Variants in ATP10B observed in about 807,000 individuals in gnomAD.
ATP10B encodes the protein ATPase phospholipid transporting 10B (putative).
A neutral mutation model predicts 141.2 loss-of-function variants in ATP10B; 122 were observed. The ratio of observed to expected loss-of-function variants is 0.86; its 90% CI spans 0.75 to 1.00. The LOEUF (loss-of-function observed/expected upper bound fraction) is 1.00, where lower values mean the gene tolerates loss of function less well. ATP10B is among the 50% of genes least tolerant of loss of function. The pLI, the probability that ATP10B is intolerant of heterozygous loss-of-function variation, is 0.00. For missense variants in ATP10B, 1,876 were observed against 1,825.3 expected, an observed-to-expected ratio of 1.03 and a Z score of -0.51; for synonymous variants, 685 against 692.0, an observed-to-expected ratio of 0.99 and a Z score of 0.16.
chr5:160,823,987 A>C lies in ATP10B; in HGVS notation c.-576+27954T>G, dbSNP rs578152632. On this transcript the variant is annotated intron_variant, in intron 1 of 25. Coordinates refer to ENST00000327245, the MANE Select transcript of ATP10B (RefSeq NM_025153.3). Reference sequence around the variant, plus strand: ...TACAAATAAGTACGCAGAATAAATCAGTCATATTTCCAGTATTAGACATAA... The same window carrying C: ...TACAAATAAGTACGCAGAATAAATCCGTCATATTTCCAGTATTAGACATAA... Among the ~76,000 whole-genome samples, 14 of 152,290 alleles carry C rather than the reference A, an allele frequency of 9.2e-5. No homozygotes were observed. In the South Asian group the frequency reaches 2.5e-3, roughly 27 times the overall value.
chr5:160,644,305 T>C, intron 8 of ATP10B, 61 bp from the exon 9 acceptor site: 1 of 1,156,604 alleles, frequency 8.6e-7, no homozygotes, highest in Non-Finnish European at 1.3e-6. Context: ...TGTCACTGGG[T>C]ACTGTCACAG....
rs377430011 is a variant in ATP10B, at chr5:160,811,233, G to A, written c.-575-25430C>T. On this transcript the variant is annotated intron_variant, in intron 1 of 25. Transcript: ENST00000327245. ...ACTCTGAAACTTGTTGGCTTCAGGC[G>A]AGACTCAGCATATTCTCATTGGGAG... Among the ~76,000 whole-genome samples, 7 of 152,280 alleles carry A rather than the reference G, an allele frequency of 4.6e-5. No homozygotes were observed. In the South Asian group the frequency reaches 8.3e-4, roughly 18 times the overall value.
intron 1 of ATP10B, among the ~76,000 whole-genome samples, chr5:160,835,954 G>A (rs1775400682): frequency 6.6e-6 from 1 of 152,108 alleles, no homozygotes; most frequent in South Asian, 2.1e-4. Flanking sequence ...ATCCTTGGGA[G>A]TGGAATGAAA....
chr5:160,683,044 A>ACCCC (rs1581348739), intron 6 of ATP10B, among the ~76,000 whole-genome samples: 33 of 136,232 alleles, frequency 2.4e-4, no homozygotes, highest in African/African-American at 6.7e-4. Context: ...GTCCCCCAAA[A>ACCCC]AAAAAAAAAA....
rs114826954 is a variant in ATP10B at position 160,719,090 on chromosome 5, T to C, written c.-330-2056A>G. Among the ~76,000 whole-genome samples, 878 of 152,278 alleles carry C rather than the reference T, an allele frequency of 5.8e-3. 7 individuals carry two copies. Among genetic ancestry groups the C allele is most frequent in the African/African-American group, 0.02 (842 of 41,552 alleles). ...CTGTATTAGGTTGGTGCAAAAGTAA[T>C]TGGGGTTTTTACCATTAAAAGTAAT... On this transcript the variant is annotated intron_variant, in intron 2 of 25. Coordinates refer to ENST00000327245, the MANE Select transcript of ATP10B (RefSeq NM_025153.3).
intron 7 of ATP10B, among the ~76,000 whole-genome samples, chr5:160,666,642 T>C (rs1016183748): frequency 1.3e-5 from 2 of 152,182 alleles, no homozygotes; most frequent in Admixed American, 1.3e-4. Flanking sequence ...GTTCAATACG[T>C]TAGGGAAATC....
chr5:160,670,923 T>C (rs1448452081), intron 6 of ATP10B, among the ~76,000 whole-genome samples: 1 of 151,980 alleles, frequency 6.6e-6, no homozygotes, highest in Non-Finnish European at 1.5e-5. Flanking sequence ...TCCCAGCACT[T>C]TGGGAGGCCG....
chr5:160,640,692 G>A (rs1759788992), intron 9 of ATP10B, 100 bp from the exon 10 acceptor site: 5 of 1,470,936 alleles, frequency 3.4e-6, no homozygotes, highest in East Asian at 4.6e-5. Flanking sequence ...ATAAAAGAGA[G>A]GCTTCACTCT....
chr5:160,588,517 C>CA (rs1209170020), intron 24 of ATP10B, among the ~76,000 whole-genome samples: 1 of 152,160 alleles, frequency 6.6e-6, no homozygotes, highest in African/African-American at 2.4e-5. Flanking sequence ...TGGCTAAGGA[C>CA]ACATCTTTCT....
chr5:160,920,806 G>C, the ATP10B span, among the ~76,000 whole-genome samples: 1 of 152,186 alleles, frequency 6.6e-6, no homozygotes, highest in African/African-American at 2.4e-5. Flanking sequence ...GGTGGGACTT[G>C]AGATTCTGCA....
chr5:160,583,781 A>G (rs1445001427), intron 24 of ATP10B, among the ~76,000 whole-genome samples: 1 of 152,194 alleles, frequency 6.6e-6, no homozygotes, highest in Non-Finnish European at 1.5e-5. Flanking sequence ...GAAGTGCTGC[A>G]GTGGGCTCTG....
At chr5:160,729,491 G>A (rs940708404) in intron 2 of ATP10B, among the ~76,000 whole-genome samples, 6 of 152,170 alleles carry the variant, frequency 3.9e-5, no homozygotes, top group Non-Finnish European at 5.9e-5. Flanking sequence ...TTGTAATGGG[G>A]TAGGGAATTG....
At chr5:160,656,768 C>G (rs752691686) in intron 7 of ATP10B, among the ~76,000 whole-genome samples, 1 of 151,990 alleles carries the variant, frequency 6.6e-6, no homozygotes, top group Non-Finnish European at 1.5e-5. Flanking sequence ...TCTTAGACCA[C>G]TTTGAAATCC....
intron 12 of ATP10B, chr5:160,634,101 CCAGA>C (rs1269899545): frequency 2.5e-5 from 15 of 598,576 alleles, no homozygotes; most frequent in Non-Finnish European, 3.9e-5. Context: ...TTGTCTGGCA[CCAGA>C]CAAAGATCAG....
At chr5:160,916,515 A>G in the ATP10B span, among the ~76,000 whole-genome samples, 1 of 152,188 alleles carries the variant, frequency 6.6e-6, no homozygotes, top group Non-Finnish European at 1.5e-5. Context: ...TGAAATCACA[A>G]CTGCCAATAC....
At chr5:160,884,352 T>C in the ATP10B span, among the ~76,000 whole-genome samples, 1 of 152,318 alleles carries the variant, frequency 6.6e-6, no homozygotes, top group African/African-American at 2.4e-5. Flanking sequence ...AATTGATCAG[T>C]ATTTTCCAAG....
chr5:160,734,318 ATAAATG>A (rs1766959329), intron 2 of ATP10B, among the ~76,000 whole-genome samples: 1 of 152,060 alleles, frequency 6.6e-6, no homozygotes, highest in Non-Finnish European at 1.5e-5. Context: ...AAATATCTAT[ATAAATG>A]TAAAAGAGAC....
At chr5:160,726,991 C>G (rs759309376) in intron 2 of ATP10B, among the ~76,000 whole-genome samples, 5 of 152,164 alleles carry the variant, frequency 3.3e-5, no homozygotes, top group Non-Finnish European at 7.3e-5. Context: ...CTGGAAGGAA[C>G]TAAGGTACTT....
intron 2 of ATP10B, among the ~76,000 whole-genome samples, chr5:160,742,258 G>A (rs1767529362): frequency 6.6e-6 from 1 of 152,176 alleles, no homozygotes; most frequent in Admixed American, 6.5e-5. Flanking sequence ...ATCCAAGCCT[G>A]TGCACAGGTG....
Sources: gnomAD v4.1 joint callset for allele counts (sites outside exome capture counted in the v4.1 genomes callset) on GRCh38, gnomAD v4.1.1 for gene constraint, MANE v1.5 for transcripts, NCBI Gene and HGNC (gene_info 2026-07-23, HGNC 2026-07-21) for gene names.